IDO2: variants seen among roughly 807,000 people sequenced by gnomAD.
The protein encoded by IDO2 is indoleamine 2,3-dioxygenase 2, also known as indoleamine 2,3-dioxygenase-like 1 protein.
In IDO2, 46 loss-of-function variants were observed where a neutral mutation model predicts 45.1. The ratio of observed to expected loss-of-function variants is 1.02; its 90% CI spans 0.80 to 1.30. The LOEUF (loss-of-function observed/expected upper bound fraction) is 1.30. IDO2 is among the 50% of genes most tolerant of loss of function. The pLI is 0.00. For missense variants in IDO2, 544 were observed against 491.8 expected, an observed-to-expected ratio of 1.11 and a Z score of -1.00; for synonymous variants, 218 against 184.9, an observed-to-expected ratio of 1.18 and a Z score of -1.45.
At chr8:39,975,026 T>C (rs1808237360) in intron 3 of IDO2, among the ~76,000 whole-genome samples, 1 of 152,042 alleles carries the variant, frequency 6.6e-6, no homozygotes, top group Admixed American at 6.5e-5. Flanking sequence ...GGAGAATCAC[T>C]TGAACCCAGG....
chr8:40,008,405 C>G (rs1802254626), intron 9 of IDO2, among the ~76,000 whole-genome samples: 1 of 152,122 alleles, frequency 6.6e-6, no homozygotes, highest in South Asian at 2.1e-4. Flanking sequence ...CCTTCTGCCT[C>G]TAGCCAGAGA....
chr8:39,951,033 A>G (rs1269187660), intron 2 of IDO2, among the ~76,000 whole-genome samples: 1 of 151,224 alleles, frequency 6.6e-6, no homozygotes, highest in Non-Finnish European at 1.5e-5. Context: ...GTCTCAAAAC[A>G]AAACAAAACA....
At chr8:39,947,171 C>CAAAAAAAAAAAAAAAAAAAAA (rs55785952) in intron 1 of IDO2, among the ~76,000 whole-genome samples, 2 of 80,038 alleles carry the variant, frequency 2.5e-5, no homozygotes, top group Non-Finnish European at 4.5e-5. Context: ...GCTAAGGTAT[C>CAAAAAAAAAAAAAAAAAAAAA]AAAAAAAAAA....
At chr8:39,966,168 A>G (rs1808081655) in intron 3 of IDO2, among the ~76,000 whole-genome samples, 1 of 151,520 alleles carries the variant, frequency 6.6e-6, no homozygotes, top group African/African-American at 2.4e-5. Flanking sequence ...AGCTGGGACT[A>G]CAGGCACCCG....
intron 8 of IDO2, among the ~76,000 whole-genome samples, chr8:39,994,810 A>T (rs768875467): frequency 1.3e-5 from 2 of 151,974 alleles, no homozygotes; most frequent in African/African-American, 2.4e-5. Context: ...TTAACCATTT[A>T]AAAAAAACCT....
At chr8:39,944,098 C>T (rs1278579869) in intron 1 of IDO2, among the ~76,000 whole-genome samples, 1 of 149,954 alleles carries the variant, frequency 6.7e-6, no homozygotes, top group Non-Finnish European at 1.5e-5. Context: ...TTTTTTTTAG[C>T]TTTCATATTT....
intron 8 of IDO2, among the ~76,000 whole-genome samples, chr8:39,990,861 A>G (rs1161665846): frequency 1.3e-5 from 2 of 152,216 alleles, no homozygotes; most frequent in South Asian, 2.1e-4. Flanking sequence ...TGGTTACTGC[A>G]TTCAGTTTCC....
intron 3 of IDO2, among the ~76,000 whole-genome samples, chr8:39,973,887 T>C (rs1808219376): frequency 6.6e-6 from 1 of 151,884 alleles, no homozygotes; most frequent in South Asian, 2.1e-4. Context: ...TATTACAGGC[T>C]CCTGCCACCA....
At chr8:39,979,161 A>G in exon 4 of IDO2, 1 of 1,597,064 alleles carries the variant, frequency 6.3e-7, no homozygotes, top group Non-Finnish European at 8.5e-7. Context: ...TATGTCTGGC[A>G]GGAAGGAGAG....
chr8:39,992,838 G>A (rs958652291), intron 8 of IDO2, among the ~76,000 whole-genome samples: 6 of 152,080 alleles, frequency 3.9e-5, no homozygotes, highest in Non-Finnish European at 5.9e-5. Context: ...TTCCAGGCAC[G>A]TAGAGCCCTT....
rs1163765105 is a variant in IDO2, at chr8:39,934,864, T to C, written c.-372T>C. 2.3e-5 allele frequency: 10 copies of C among 441,262 alleles called. No homozygotes were observed. The Admixed American group carries it at 3.2e-4, about 14-fold the overall frequency. The allele number at this position is 441,262 out of a possible 1,614,324, so 27.3% of individuals were successfully genotyped here. A position where few individuals can be genotyped will look rare whatever the true frequency, so the allele number is the denominator to read the frequency against. Reference sequence around the variant, plus strand: ...TTGTGACTTTGCCACAGAAAGAAGATGGAGAATTTTAAAGTTGGAAATCTG... The same window carrying C: ...TTGTGACTTTGCCACAGAAAGAAGACGGAGAATTTTAAAGTTGGAAATCTG... On this transcript the variant is annotated 5_prime_UTR_variant, in exon 1 of 11. An upstream start codon of the reference 5' UTR is lost. Transcript: ENST00000502986.
chr8:39,972,779 T>G (rs767644873), intron 3 of IDO2, among the ~76,000 whole-genome samples: 6 of 152,102 alleles, frequency 3.9e-5, no homozygotes, highest in Non-Finnish European at 7.4e-5. Flanking sequence ...TCCTGAACAG[T>G]AAGTAGCCAT....
At chr8:39,979,225 G>C in intron 4 of IDO2, 39 bp downstream of exon 4, 1 of 1,554,156 alleles carries the variant, frequency 6.4e-7, no homozygotes, top group African/African-American at 1.4e-5. Context: ...TACCCGGCAG[G>C]TTACCTGCGC....
intron 9 of IDO2, among the ~76,000 whole-genome samples, chr8:40,010,943 G>T (rs1802300942): frequency 1.3e-5 from 2 of 152,166 alleles, no homozygotes; most frequent in South Asian, 4.1e-4. Context: ...ACACAGTCTT[G>T]CTCTTTCGCC....
intron 3 of IDO2, among the ~76,000 whole-genome samples, chr8:39,976,551 T>C (rs1287995210): frequency 6.6e-6 from 1 of 152,216 alleles, no homozygotes; most frequent in East Asian, 1.9e-4. Context: ...ATTCATGAAA[T>C]GCTTCTAATA....
chr8:39,997,390 A>G (rs995418583), intron 8 of IDO2, among the ~76,000 whole-genome samples: 8 of 152,098 alleles, frequency 5.3e-5, no homozygotes, highest in Non-Finnish European at 8.8e-5. Flanking sequence ...AAAAGAAATC[A>G]TTGCCAGATG....
intron 8 of IDO2, among the ~76,000 whole-genome samples, chr8:39,994,505 C>T (rs1415877988): frequency 2.0e-5 from 3 of 152,152 alleles, no homozygotes; most frequent in South Asian, 4.1e-4. Flanking sequence ...GATCTGCCCA[C>T]CTCAGCCTCC....
chr8:39,974,949 A>G (rs529328496), intron 3 of IDO2, among the ~76,000 whole-genome samples: 1 of 151,626 alleles, frequency 6.6e-6, no homozygotes, highest in East Asian at 2.0e-4. Context: ...AAACAAAACA[A>G]AAGCACAAAA....
intron 1 of IDO2, among the ~76,000 whole-genome samples, chr8:39,943,980 G>A (rs1272159311): frequency 6.6e-6 from 1 of 152,064 alleles, no homozygotes; most frequent in Non-Finnish European, 1.5e-5. Flanking sequence ...GAGGCCAGGC[G>A]TTCAAGAATG....
Sources: allele counts gnomAD v4.1 joint callset (sites outside exome capture counted in the v4.1 genomes callset), GRCh38; gene constraint gnomAD v4.1.1; transcripts MANE v1.5; gene names NCBI Gene and HGNC (gene_info 2026-07-23, HGNC 2026-07-21).